The following SLC4A4 variants were observed in gnomAD, a reference collection of about 807,000 sequenced individuals.
SLC4A4 encodes the protein solute carrier family 4 member 4.
SLC4A4 carries 27 observed loss-of-function variants against 111.5 expected under a neutral mutation model. The ratio of observed to expected loss-of-function variants is 0.24; its 90% CI spans 0.18 to 0.33. SLC4A4 has a LOEUF of 0.33. SLC4A4 is among the 10% of genes least tolerant of loss of function. SLC4A4 has a pLI of 1.00. For missense variants in SLC4A4, 909 were observed against 1,315.5 expected (o/e 0.69, Z 4.78); for synonymous variants, 443 against 463.4 (o/e 0.96, Z 0.57).
At chr4:71,150,899 G>T (rs566180505) in intron 2 of SLC4A4, among the ~76,000 whole-genome samples, 11 of 152,214 alleles carry the variant, frequency 7.2e-5, no homozygotes, top group African/African-American at 2.6e-4. Context: ...AAGAGTTATG[G>T]TTCAATCAGG....
intron 1 of SLC4A4, among the ~76,000 whole-genome samples, chr4:71,219,080 TA>T (rs2149019696): frequency 6.6e-6 from 1 of 152,280 alleles, no homozygotes; most frequent in South Asian, 2.1e-4. Context: ...CAAGAGCCTC[TA>T]AGTGTTCAAG....
intron 3 of SLC4A4, among the ~76,000 whole-genome samples, chr4:71,291,879 T>G (rs1233337247): frequency 2.0e-5 from 3 of 152,240 alleles, no homozygotes; most frequent in African/African-American, 7.2e-5. Flanking sequence ...TTAGAATTTC[T>G]TTTCCTCTCC....
intron 7 of SLC4A4, among the ~76,000 whole-genome samples, chr4:71,432,074 T>C (rs900506262): frequency 2.6e-5 from 4 of 152,146 alleles, no homozygotes; most frequent in Non-Finnish European, 4.4e-5. Flanking sequence ...ACTTATGAAG[T>C]TCCCAAGGAA....
In SLC4A4 at chr4:71,440,120, CT is replaced by C. The variant is rs543358954; in HGVS notation, c.808-495del. Among the ~76,000 whole-genome samples the C allele has an allele frequency of 2.3e-3, 353 of 152,156 alleles. 2 individuals carry two copies. The highest frequency in any genetic ancestry group is 7.9e-3 in the African/African-American group (327 of 41,520). ...AATGTATTTCTTCAGAGGCCTTCCC[CT>C]ATCACCCTGTCTAAGATAGTACCTT... is the stretch of plus-strand genomic sequence containing the variant. On this transcript the variant is annotated intron_variant, in intron 7 of 25. Coordinates refer to ENST00000264485, the MANE Select transcript of SLC4A4 (RefSeq NM_001098484.3).
chr4:71,272,839 T>A (rs1426535807), intron 3 of SLC4A4, among the ~76,000 whole-genome samples: 1 of 152,176 alleles, frequency 6.6e-6, no homozygotes, highest in African/African-American at 2.4e-5. Context: ...TAAGGTGAAT[T>A]AAGTACTAGA....
intron 7 of SLC4A4, among the ~76,000 whole-genome samples, chr4:71,401,697 A>C (rs187789703): frequency 1.3e-5 from 2 of 152,278 alleles, no homozygotes; most frequent in African/African-American, 2.4e-5. Context: ...TTTTCTCTTC[A>C]TTTTACCCCT....
At chr4:71,068,168 G>C (rs56246015) in intron 1 of SLC4A4, among the ~76,000 whole-genome samples, 32,797 of 149,188 alleles carry the variant, frequency 0.22, 3,770 homozygotes, top group South Asian at 0.27. Context: ...AGGTTCAAGT[G>C]ATTCTCCTGC....
At chr4:71,329,065 C>T (rs1429790542) in intron 3 of SLC4A4, among the ~76,000 whole-genome samples, 2 of 151,882 alleles carry the variant, frequency 1.3e-5, no homozygotes, top group African/African-American at 4.8e-5. Flanking sequence ...CAGCATTTAT[C>T]GAAGAAACTG....
At chr4:71,202,110 G>A (rs888935367) in intron 1 of SLC4A4, among the ~76,000 whole-genome samples, 2 of 152,186 alleles carry the variant, frequency 1.3e-5, no homozygotes, top group Non-Finnish European at 2.9e-5. Context: ...TGTAGGCCTA[G>A]ATATAAACAT....
At chr4:71,391,718 CTTTTA>C (rs1444425621) in intron 6 of SLC4A4, among the ~76,000 whole-genome samples, 1 of 151,746 alleles carries the variant, frequency 6.6e-6, no homozygotes, top group Non-Finnish European at 1.5e-5. Context: ...TCTTCTTCTG[CTTTTA>C]TTTTCTTTTT....
chr4:71,234,115 C>T (rs1479458788), intron 1 of SLC4A4, among the ~76,000 whole-genome samples: 1 of 152,182 alleles, frequency 6.6e-6, no homozygotes, highest in Non-Finnish European at 1.5e-5. Flanking sequence ...TGATTCCTTC[C>T]TGTCATTTTT....
chr4:71,196,755 A>T (rs1284028650), intron 1 of SLC4A4, among the ~76,000 whole-genome samples: 2 of 137,850 alleles, frequency 1.5e-5, no homozygotes, highest in African/African-American at 5.3e-5. Context: ...AATCGCTGGA[A>T]CCTGGGAGGC....
chr4:71,145,041 T>C (rs143700794), intron 2 of SLC4A4, among the ~76,000 whole-genome samples: 2,617 of 152,270 alleles, frequency 0.017, 83 homozygotes, highest in African/African-American at 0.06. Context: ...TCAAAGGGAA[T>C]GCTTCGAGTT....
chr4:71,387,303 G>C (rs1245164435), intron 6 of SLC4A4, among the ~76,000 whole-genome samples: 34 of 152,174 alleles, frequency 2.2e-4, no homozygotes, highest in Admixed American at 2.0e-3. Flanking sequence ...CTTCCAGAAA[G>C]TTTTTGGAGT....
intron 2 of SLC4A4, among the ~76,000 whole-genome samples, chr4:71,175,117 G>A (rs1287769669): frequency 6.6e-6 from 1 of 152,154 alleles, no homozygotes; most frequent in East Asian, 1.9e-4. Flanking sequence ...ATTATCCATA[G>A]GCAGATAAAT....
intron 2 of SLC4A4, among the ~76,000 whole-genome samples, chr4:71,237,682 CCT>C (rs1240076520): frequency 6.6e-6 from 1 of 152,122 alleles, no homozygotes; most frequent in Non-Finnish European, 1.5e-5. Context: ...AAGTGATGCT[CCT>C]GTGCCACTTG....
intron 1 of SLC4A4, among the ~76,000 whole-genome samples, chr4:71,219,959 C>A (rs537844434): frequency 6.6e-6 from 1 of 152,280 alleles, no homozygotes; most frequent in East Asian, 1.9e-4. Context: ...TTCTTGAGAT[C>A]GAATCTGCTC....
chr4:71,393,920 C>G (rs1360450013), intron 6 of SLC4A4, among the ~76,000 whole-genome samples: 1 of 152,094 alleles, frequency 6.6e-6, no homozygotes, highest in Non-Finnish European at 1.5e-5. Context: ...AGAAAGGACA[C>G]CCTTTTCAAC....
intron 2 of SLC4A4, among the ~76,000 whole-genome samples, chr4:71,100,146 A>G (rs772060242): frequency 6.6e-6 from 1 of 152,188 alleles, no homozygotes; most frequent in Non-Finnish European, 1.5e-5. Flanking sequence ...CATAGATGCA[A>G]CAAAAAAAGA....
Sources: allele counts gnomAD v4.1 joint callset (sites outside exome capture counted in the v4.1 genomes callset), GRCh38; gene constraint gnomAD v4.1.1; transcripts MANE v1.5; gene names NCBI Gene and HGNC (gene_info 2026-07-23, HGNC 2026-07-21).